Variants in SGCZ observed in about 807,000 individuals in gnomAD.
SGCZ encodes sarcoglycan zeta, also known as zeta-sarcoglycan.
Under a neutral mutation model 41.3 loss-of-function variants are expected in SGCZ, and 40 were observed. That is an observed-to-expected ratio of 0.97 (90% confidence interval 0.75 to 1.26). SGCZ has a LOEUF of 1.26. Ranked by LOEUF, SGCZ falls within the 50% of genes most tolerant of loss-of-function variation. The pLI, the probability that SGCZ is intolerant of heterozygous loss-of-function variation, is 0.00. For missense variants in SGCZ, 552 were observed against 369.8 expected, an observed-to-expected ratio of 1.49 and a Z score of -4.04; for synonymous variants, 206 against 137.5, an observed-to-expected ratio of 1.50 and a Z score of -3.49.
At chr8:14,607,285 T>C (rs924127033) in intron 1 of SGCZ, among the ~76,000 whole-genome samples, 2 of 152,206 alleles carry the variant, frequency 1.3e-5, no homozygotes, top group Non-Finnish European at 2.9e-5. Flanking sequence ...CTTTGCCAAA[T>C]TGTTAATTAT....
chr8:14,930,990 G>A (rs1036113165), intron 1 of SGCZ, among the ~76,000 whole-genome samples: 2 of 152,120 alleles, frequency 1.3e-5, no homozygotes, highest in African/African-American at 4.8e-5. Flanking sequence ...TTCTGCACAT[G>A]TACCCCAGAA....
intron 1 of SGCZ, among the ~76,000 whole-genome samples, chr8:15,229,757 T>C (rs998445371): frequency 2.0e-5 from 3 of 152,234 alleles, no homozygotes; most frequent in South Asian, 2.1e-4. Context: ...ATTCATGACA[T>C]TGATTTATTG....
intron 1 of SGCZ, among the ~76,000 whole-genome samples, chr8:15,174,939 G>A (rs1368358552): frequency 2.0e-5 from 3 of 151,924 alleles, no homozygotes; most frequent in Non-Finnish European, 2.9e-5. Context: ...ACAGTGTGGC[G>A]ATTCCTCAAA....
chr8:14,282,681 T>A (rs1017750481), intron 3 of SGCZ, among the ~76,000 whole-genome samples: 2 of 152,100 alleles, frequency 1.3e-5, no homozygotes, highest in African/African-American at 4.8e-5. Flanking sequence ...AGTTGCCTGA[T>A]CCTTCCATTT....
intron 1 of SGCZ, among the ~76,000 whole-genome samples, chr8:15,010,160 A>G (rs115244077): frequency 0.019 from 2,875 of 152,294 alleles, 84 homozygotes; most frequent in African/African-American, 0.065. Context: ...CTTGAAATTC[A>G]ATGTCTACAT....
chr8:14,924,811 C>T (rs1799696250), intron 1 of SGCZ, among the ~76,000 whole-genome samples: 1 of 148,840 alleles, frequency 6.7e-6, no homozygotes, highest in South Asian at 2.1e-4. Flanking sequence ...CATTGTTTTA[C>T]GTTTAAGTAT....
intron 1 of SGCZ, among the ~76,000 whole-genome samples, chr8:15,164,739 A>T (rs1799605846): frequency 6.6e-6 from 1 of 150,782 alleles, no homozygotes; most frequent in Non-Finnish European, 1.5e-5. Flanking sequence ...AGGGTTTGTG[A>T]GGCTAGTCTT....
intron 1 of SGCZ, among the ~76,000 whole-genome samples, chr8:14,858,466 A>C (rs928733691): frequency 2.6e-5 from 4 of 152,168 alleles, no homozygotes; most frequent in African/African-American, 9.7e-5. Context: ...GTTTTAGTTG[A>C]AACATGAGAA....
intron 4 of SGCZ, among the ~76,000 whole-genome samples, chr8:14,175,974 C>T (rs191640412): frequency 2.0e-4 from 30 of 152,078 alleles, no homozygotes; most frequent in South Asian, 1.7e-3. Context: ...TATTCCATAA[C>T]GACAAAAACT....
chr8:14,274,193 G>A (rs1800154907), intron 3 of SGCZ, among the ~76,000 whole-genome samples: 1 of 152,084 alleles, frequency 6.6e-6, no homozygotes, highest in Non-Finnish European at 1.5e-5. Flanking sequence ...AAACGGTAAT[G>A]AAGTAAATTG....
chr8:15,193,781 G>C (rs1228717018), intron 1 of SGCZ, among the ~76,000 whole-genome samples: 4 of 152,216 alleles, frequency 2.6e-5, no homozygotes, highest in African/African-American at 7.2e-5. Context: ...TTTCATGGGT[G>C]GTACCATTAG....
At chr8:15,167,016 TG>T (rs1563161873) in intron 1 of SGCZ, among the ~76,000 whole-genome samples, 5 of 141,532 alleles carry the variant, frequency 3.5e-5, no homozygotes, top group Admixed American at 2.3e-4. Context: ...ATTCTTGTTT[TG>T]TTTTTTTTTC....
chr8:14,807,858 G>C (rs1205999725), intron 1 of SGCZ, among the ~76,000 whole-genome samples: 1 of 152,134 alleles, frequency 6.6e-6, no homozygotes, highest in East Asian at 1.9e-4. Context: ...AACCAAAACA[G>C]CATGATACTG....
chr8:14,848,205 G>C (rs1174349613), intron 1 of SGCZ, among the ~76,000 whole-genome samples: 1 of 152,070 alleles, frequency 6.6e-6, no homozygotes, highest in Non-Finnish European at 1.5e-5. Flanking sequence ...TTAGAGAAAT[G>C]AAAGAGGGCA....
intron 1 of SGCZ, among the ~76,000 whole-genome samples, chr8:14,555,664 A>G (rs1289035055): frequency 6.6e-6 from 1 of 152,038 alleles, no homozygotes; most frequent in Non-Finnish European, 1.5e-5. Flanking sequence ...CTACACTTAG[A>G]CTATGATTTA....
At chr8:15,103,718 A>T (rs1806703876) in intron 1 of SGCZ, among the ~76,000 whole-genome samples, 1 of 152,166 alleles carries the variant, frequency 6.6e-6, no homozygotes, top group South Asian at 2.1e-4. Context: ...AAAGGCATCA[A>T]ATCTGAAGTT....
intron 1 of SGCZ, among the ~76,000 whole-genome samples, chr8:14,750,874 CT>C (rs1045112545): frequency 6.6e-6 from 1 of 152,104 alleles, no homozygotes; most frequent in African/African-American, 2.4e-5. Flanking sequence ...CTCCTTTTAT[CT>C]TTCAGTCTCT....
At chr8:14,311,158 G>T (rs1801528935) in intron 3 of SGCZ, among the ~76,000 whole-genome samples, 1 of 151,972 alleles carries the variant, frequency 6.6e-6, no homozygotes, top group Non-Finnish European at 1.5e-5. Flanking sequence ...TGTCCATATA[G>T]AAACATACAA....
chr8:14,527,503 C>T (rs1485279006), intron 2 of SGCZ, among the ~76,000 whole-genome samples: 1 of 152,028 alleles, frequency 6.6e-6, no homozygotes, highest in East Asian at 1.9e-4. Flanking sequence ...CAAGTTCTCA[C>T]TATTTTGCCC....
Sources: allele counts gnomAD v4.1 joint callset (sites outside exome capture counted in the v4.1 genomes callset), GRCh38; gene constraint gnomAD v4.1.1; transcripts MANE v1.5; gene names NCBI Gene and HGNC (gene_info 2026-07-23, HGNC 2026-07-21).